Variants in NACC2 observed in about 807,000 individuals in gnomAD.
NACC2 encodes nucleus accumbens-associated protein 2.
NACC2 carries 8 observed loss-of-function variants against 25.1 expected under a neutral mutation model. The ratio of observed to expected loss-of-function variants is 0.32; its 90% CI spans 0.19 to 0.57. The LOEUF (loss-of-function observed/expected upper bound fraction) is 0.57, where lower values mean the gene tolerates loss of function less well. Among genes scored for constraint, NACC2 ranks in the 20% least tolerant of loss-of-function variants. The pLI is 0.89. For missense variants in NACC2, 644 were observed against 650.2 expected, an observed-to-expected ratio of 0.99 and a Z score of 0.10; for synonymous variants, 435 against 294.7, an observed-to-expected ratio of 1.48 and a Z score of -4.88.
intron 2 of NACC2, among the ~76,000 whole-genome samples, chr9:136,017,699 G>A (rs536086098): frequency 9.2e-5 from 14 of 152,342 alleles, no homozygotes; most frequent in Admixed American, 2.6e-4. Context: ...TGCCAGCACA[G>A]CCACCCTGCT....
chr9:136,062,486 C>T (rs1841026885), intron 1 of NACC2, among the ~76,000 whole-genome samples: 1 of 152,210 alleles, frequency 6.6e-6, no homozygotes, highest in Non-Finnish European at 1.5e-5. Flanking sequence ...GGTAGCACTT[C>T]GTCTTCAGTG....
intron 2 of NACC2, among the ~76,000 whole-genome samples, chr9:136,049,318 G>A (rs755265435): frequency 0.013 from 1,918 of 152,330 alleles, 21 homozygotes; most frequent in Middle Eastern, 0.061. Context: ...TACACCGCGT[G>A]GCGCCAGGCC....
intron 2 of NACC2, among the ~76,000 whole-genome samples, chr9:136,042,699 CACACAGACACAGAGACACACACACAG>C (rs1840654435): frequency 6.6e-6 from 1 of 151,630 alleles, no homozygotes; most frequent in Non-Finnish European, 1.5e-5. Context: ...CACAGACACA[CACACAGACACAGAGACACACACACAG>C]ACACAGACAC....
At chr9:136,083,959 C>T (rs1393475235) in intron 1 of NACC2, among the ~76,000 whole-genome samples, 7 of 152,118 alleles carry the variant, frequency 4.6e-5, no homozygotes, top group African/African-American at 1.7e-4. Context: ...AGCCTCTCCG[C>T]CTCACCCCAA....
chr9:136,016,572 G>T, intron 2 of NACC2, 143 bp from the exon 3 acceptor site: 3 of 941,326 alleles, frequency 3.2e-6, no homozygotes, highest in Non-Finnish European at 4.7e-6. Flanking sequence ...ACTCTGTGCC[G>T]CTCTCCTGCT....
chr9:136,041,485 T>C (rs985147827), intron 2 of NACC2, among the ~76,000 whole-genome samples: 1 of 151,844 alleles, frequency 6.6e-6, no homozygotes, highest in African/African-American at 2.4e-5. Flanking sequence ...GGGTGATTCC[T>C]GATGCCAAAA....
At chr9:136,074,422 C>T (rs371692340) in intron 1 of NACC2, among the ~76,000 whole-genome samples, 1 of 137,986 alleles carries the variant, frequency 7.2e-6, no homozygotes, top group African/African-American at 2.7e-5. Flanking sequence ...CACTGCACTC[C>T]AGCCCGGGCG....
chr9:136,072,949 A>G (rs899778117), intron 1 of NACC2, among the ~76,000 whole-genome samples: 2 of 152,220 alleles, frequency 1.3e-5, no homozygotes, highest in African/African-American at 4.8e-5. Flanking sequence ...AAATATTTGT[A>G]GAATCCGGGG....
intron 2 of NACC2, among the ~76,000 whole-genome samples, chr9:136,016,858 A>G (rs10858204): frequency 0.74 from 112,637 of 151,980 alleles, 41,948 homozygotes; most frequent in African/African-American, 0.8. Context: ...ACGGCTTGGC[A>G]GGGCCAGCAG....
chr9:136,092,929 T>G (rs1382623207), intron 1 of NACC2, among the ~76,000 whole-genome samples: 1 of 152,176 alleles, frequency 6.6e-6, no homozygotes, highest in Non-Finnish European at 1.5e-5. Flanking sequence ...GGCTGTGAGA[T>G]GCAGAGAGGC....
At position 136,081,118 on chromosome 9, in the gene NACC2, A is replaced by G. The variant is rs1340019622; in HGVS notation, c.-60+14071T>C. Reference sequence around the variant, plus strand: ...GCGTTTCCCATATTTCTCGTAACACAGGAAACCATTCCCAGAGGAGGAAGC... The same window carrying G: ...GCGTTTCCCATATTTCTCGTAACACGGGAAACCATTCCCAGAGGAGGAAGC... On this transcript the variant is annotated intron_variant, in intron 1 of 5. Transcript: ENST00000277554. 2.0e-5 allele frequency among the ~76,000 whole-genome samples: 3 copies of G among 152,260 alleles called. No homozygotes were observed. The East Asian group carries it at 5.8e-4, about 29-fold the overall frequency.
At chr9:136,052,498 C>T (rs1840861263) in intron 1 of NACC2, among the ~76,000 whole-genome samples, 1 of 151,756 alleles carries the variant, frequency 6.6e-6, no homozygotes, top group South Asian at 2.1e-4. Flanking sequence ...AGGGGAGGTA[C>T]AGCAGGGGGT....
chr9:136,017,522 C>T (rs549433752), intron 2 of NACC2, among the ~76,000 whole-genome samples: 3 of 152,200 alleles, frequency 2.0e-5, no homozygotes, highest in East Asian at 3.9e-4. Flanking sequence ...CCCCCACCCC[C>T]ACCACCCTGA....
In NACC2 at chr9:136,085,128, AT is replaced by A. The variant is rs1207440313; in HGVS notation, c.-60+10060del. ...AGCCTGGGCAACATAGGAAGACTCC[AT>A]TTCTACAATTTTTTTTTTTTTTTTT... On this transcript the variant is annotated intron_variant, in intron 1 of 5. Coordinates refer to ENST00000277554, the MANE Select transcript of NACC2 (RefSeq NM_144653.5). Among the ~76,000 whole-genome samples the A allele has an allele frequency of 2.0e-4, 26 of 128,978 alleles. No homozygotes were observed. In the East Asian group the frequency reaches 5.7e-3, roughly 28 times the overall value. The allele number at this position is 128,978 out of a possible 152,430, so 84.6% of individuals were successfully genotyped here.
At chr9:136,034,837 T>TA (rs1241478376) in intron 2 of NACC2, among the ~76,000 whole-genome samples, 1 of 152,160 alleles carries the variant, frequency 6.6e-6, no homozygotes, top group Non-Finnish European at 1.5e-5. Context: ...CTCATGCCTG[T>TA]AACCCCAGCA....
chr9:136,075,292 A>T (rs984410607), intron 1 of NACC2, among the ~76,000 whole-genome samples: 9 of 152,174 alleles, frequency 5.9e-5, no homozygotes, highest in Admixed American at 5.9e-4. Context: ...GATGAGGGAG[A>T]GCTGGCTGCG....
chr9:136,076,595 C>T (rs1287765244), intron 1 of NACC2, among the ~76,000 whole-genome samples: 2 of 152,104 alleles, frequency 1.3e-5, no homozygotes, highest in Non-Finnish European at 1.5e-5. Context: ...ATGATGAAAA[C>T]GTTCTGCAAA....
intron 3 of NACC2, among the ~76,000 whole-genome samples, chr9:136,015,992 G>C (rs1564217547): frequency 6.6e-6 from 1 of 152,114 alleles, no homozygotes; most frequent in Non-Finnish European, 1.5e-5. Context: ...ACGTGACATG[G>C]TTTTATCTGT....
intron 1 of NACC2, among the ~76,000 whole-genome samples, chr9:136,088,269 A>G (rs1026283287): frequency 5.9e-5 from 9 of 152,052 alleles, no homozygotes; most frequent in South Asian, 2.1e-4. Context: ...ACCACTGCCC[A>G]CATCAGGCCC....
Sources: gnomAD v4.1 joint callset for allele counts (sites outside exome capture counted in the v4.1 genomes callset) on GRCh38, gnomAD v4.1.1 for gene constraint, MANE v1.5 for transcripts, NCBI Gene and HGNC (gene_info 2026-07-23, HGNC 2026-07-21) for gene names.